TPTE2: variants seen among roughly 807,000 people sequenced by gnomAD.
The protein encoded by TPTE2 is transmembrane phosphoinositide 3-phosphatase and tensin homolog 2.
Under a neutral mutation model 78.6 loss-of-function variants are expected in TPTE2, and 53 were observed. The ratio of observed to expected loss-of-function variants is 0.67; its 90% CI spans 0.54 to 0.85. TPTE2 has a LOEUF of 0.85. Among genes scored for constraint, TPTE2 ranks in the 40% least tolerant of loss-of-function variants. The pLI, the probability that TPTE2 is intolerant of heterozygous loss-of-function variation, is 0.00. For synonymous variants in TPTE2, 175 were observed against 206.2 expected, an observed-to-expected ratio of 0.85 and a Z score of 1.30; for missense variants, 461 against 623.0, an observed-to-expected ratio of 0.74 and a Z score of 2.77.
At chr13:19,445,001 C>T (rs1020966467) in intron 13 of TPTE2, among the ~76,000 whole-genome samples, 6 of 152,198 alleles carry the variant, frequency 3.9e-5, no homozygotes, top group East Asian at 1.9e-4. Context: ...TGAACCTTCT[C>T]GAAGAAAATA....
At chr13:19,495,732 T>A (rs1881268863) in intron 1 of TPTE2, among the ~76,000 whole-genome samples, 1 of 152,222 alleles carries the variant, frequency 6.6e-6, no homozygotes, top group South Asian at 2.1e-4. Flanking sequence ...GAAGATACTC[T>A]CAATTCATAC....
At chr13:19,522,266 T>C (rs764525567) in intron 1 of TPTE2, among the ~76,000 whole-genome samples, 25 of 152,226 alleles carry the variant, frequency 1.6e-4, no homozygotes, top group Non-Finnish European at 3.2e-4. Flanking sequence ...CCTGGCAATT[T>C]GGATATGCCA....
chr13:19,471,224 T>C (rs1191897596), intron 6 of TPTE2, among the ~76,000 whole-genome samples: 5 of 152,134 alleles, frequency 3.3e-5, no homozygotes, highest in Non-Finnish European at 5.9e-5. Flanking sequence ...TGTTCTTTCA[T>C]CCATTCATCC....
At chr13:19,556,811 C>T in the TPTE2 span, among the ~76,000 whole-genome samples, 2 of 152,212 alleles carry the variant, frequency 1.3e-5, no homozygotes, top group African/African-American at 2.4e-5. Context: ...ATTATTTCTA[C>T]AAGATCCAAA....
intron 1 of TPTE2, among the ~76,000 whole-genome samples, chr13:19,526,786 A>G (rs558076283): frequency 5.3e-5 from 8 of 152,312 alleles, no homozygotes; most frequent in African/African-American, 1.7e-4. Context: ...GTCTATTTGT[A>G]TATAAAAATG....
At chr13:19,430,282 T>C (rs549735561) in intron 17 of TPTE2, among the ~76,000 whole-genome samples, 186 bp downstream of exon 20, 1 of 152,338 alleles carries the variant, frequency 6.6e-6, no homozygotes, top group East Asian at 1.9e-4. Flanking sequence ...AAAACTGTTT[T>C]GAACAAACAG....
chr13:19,479,745 T>C lies in TPTE2; in HGVS notation c.179+2743A>G, dbSNP rs988053259. 9.9e-5 allele frequency among the ~76,000 whole-genome samples: 15 copies of C among 152,098 alleles called. 1 individual carries two copies. The highest frequency in any genetic ancestry group is 5.9e-4 in the Admixed American group (9 of 15,266). On this transcript the variant is annotated intron_variant, in intron 4 of 19. Coordinates refer to ENST00000400230, the Ensembl canonical transcript of TPTE2. ...TTGGGTGGCCAAGGTGGGCGGATCA[T>C]GAGGTCAAGAGATTGAGACCATCCT...
chr13:19,496,111 C>T (rs1223922800), intron 1 of TPTE2, among the ~76,000 whole-genome samples: 1 of 152,152 alleles, frequency 6.6e-6, no homozygotes, highest in African/African-American at 2.4e-5. Context: ...CGTTATCCAC[C>T]CACCCTGGCC....
chr13:19,549,977 A>G, the TPTE2 span, among the ~76,000 whole-genome samples: 44,850 of 71,138 alleles, frequency 0.63, 16,445 homozygotes, highest in East Asian at 0.92. Flanking sequence ...AAAGAAGGGA[A>G]CAACAGGCAC....
At chr13:19,496,935 GGTGCGCGCACC>G (rs1436887615) in intron 1 of TPTE2, among the ~76,000 whole-genome samples, 12 of 152,124 alleles carry the variant, frequency 7.9e-5, no homozygotes, top group Admixed American at 2.0e-4. Flanking sequence ...CAGGTCAGTG[GGTGCGCGCACC>G]GTGCGCGAGC....
intron 5 of TPTE2, among the ~76,000 whole-genome samples, chr13:19,474,287 A>C (rs1480141809): frequency 6.6e-6 from 1 of 152,180 alleles, no homozygotes. Flanking sequence ...AGCAGTTCTT[A>C]ATAAACAAAA....
chr13:19,486,629 G>A lies in TPTE2; in HGVS notation c.120-4082C>T, dbSNP rs1216609451. Among the ~76,000 whole-genome samples, 1 of 152,176 alleles carries A rather than the reference G, an allele frequency of 6.6e-6. No individual in the cohort carries two copies. On this transcript the variant is annotated intron_variant, in intron 3 of 19. Coordinates refer to ENST00000400230, the Ensembl canonical transcript of TPTE2. This position sits in a 1 kb window ranked among gnomAD's most constrained non-coding sequence, Gnocchi z 4.3. ...GGCTGTTTCCCCTACCTGGTATGTG[G>A]GTACACAGCTGCTCATCTGGCCTGC...
chr13:19,489,767 G>T (rs1880893351), intron 3 of TPTE2, among the ~76,000 whole-genome samples: 1 of 5,736 alleles, frequency 1.7e-4, no homozygotes, highest in African/African-American at 2.2e-4. Context: ...TGTTATATGT[G>T]TGTGTGTGTG....
Position 19,461,968 on chromosome 13 carries a change from C to A in TPTE2, c.741+2488G>T, listed in dbSNP as rs567309749. Among the ~76,000 whole-genome samples, 30 of 144,088 alleles carry A rather than the reference C, an allele frequency of 2.1e-4. No individual in the cohort carries two copies. The South Asian group carries it at 6.4e-3, about 31-fold the overall frequency. The allele number at this position is 144,088 out of a possible 152,430, so 94.5% of individuals were successfully genotyped here. ...TTTTTTTAAATCTTGGCAGCCAACTCTATATCTTTTAATTGGGAATTTGAT... is the reference window on the plus strand; with the variant it reads ...TTTTTTTAAATCTTGGCAGCCAACTATATATCTTTTAATTGGGAATTTGAT... On this transcript the variant is annotated intron_variant, in intron 10 of 19. Coordinates refer to ENST00000400230, the Ensembl canonical transcript of TPTE2.
At chr13:19,520,604 T>G (rs1205957147) in intron 1 of TPTE2, among the ~76,000 whole-genome samples, 1 of 151,956 alleles carries the variant, frequency 6.6e-6, no homozygotes, top group Non-Finnish European at 1.5e-5. Context: ...TATTTTATTT[T>G]CACTCTAACA....
exon 1 of TPTE2, chr13:19,503,254 C>G: frequency 6.2e-7 from 1 of 1,613,702 alleles, no homozygotes; most frequent in Non-Finnish European, 8.5e-7. Context: ...TGGGTTCACT[C>G]CTGATAATTC....
intron 1 of TPTE2, among the ~76,000 whole-genome samples, 187 bp downstream of exon 4, chr13:19,503,037 G>A (rs1452173878): frequency 2.0e-5 from 3 of 152,114 alleles, no homozygotes; most frequent in Non-Finnish European, 4.4e-5. Context: ...CTCCACAAAT[G>A]TCCGTCCATC....
intron 17 of TPTE2, among the ~76,000 whole-genome samples, chr13:19,427,379 G>A (rs1016528091): frequency 1.4e-4 from 22 of 151,908 alleles, no homozygotes; most frequent in African/African-American, 4.6e-4. Flanking sequence ...CACCGTGCCC[G>A]GCCGTGAGGC....
At chr13:19,443,566 C>T (rs1264697629) in intron 13 of TPTE2, among the ~76,000 whole-genome samples, 1 of 151,916 alleles carries the variant, frequency 6.6e-6, no homozygotes, top group Non-Finnish European at 1.5e-5. Flanking sequence ...CCACACCTGG[C>T]AAATTTTTGT....
Sources: allele counts gnomAD v4.1 joint callset (sites outside exome capture counted in the v4.1 genomes callset), GRCh38; gene constraint gnomAD v4.1.1; non-coding constraint Gnocchi (gnomAD v3.1); transcripts MANE v1.5; gene names NCBI Gene and HGNC (gene_info 2026-07-23, HGNC 2026-07-21).